Variants in MACROD1 observed in about 807,000 individuals in gnomAD.
The protein encoded by MACROD1 is mono-ADP ribosylhydrolase 1.
In MACROD1, 31 loss-of-function variants were observed where a neutral mutation model predicts 41.4. That is an observed-to-expected ratio of 0.75 (90% CI 0.56 to 1.01). The LOEUF (loss-of-function observed/expected upper bound fraction) is 1.01, where lower values mean the gene tolerates loss of function less well. Ranked by LOEUF, MACROD1 falls within the 50% of genes least tolerant of loss-of-function variation. The probability of loss-of-function intolerance (pLI) is 0.00; values close to 1 mark genes in which losing one functional copy is unlikely to be tolerated. For missense variants in MACROD1, 473 were observed against 460.0 expected (o/e 1.03, Z -0.26); for synonymous variants, 252 against 203.4 (o/e 1.24, Z -2.03).
intron 3 of MACROD1, among the ~76,000 whole-genome samples, chr11:64,042,467 C>T (rs377442368): frequency 3.3e-4 from 51 of 152,324 alleles, no homozygotes; most frequent in Middle Eastern, 3.4e-3. Flanking sequence ...CTAAGCCCTG[C>T]TCCAATAGAG....
intron 3 of MACROD1, among the ~76,000 whole-genome samples, chr11:64,068,360 C>T (rs1305371234): frequency 4.6e-5 from 7 of 152,256 alleles, no homozygotes; most frequent in Admixed American, 2.0e-4. Context: ...CCCTGGCAGG[C>T]TCAGGCCCAG....
intron 3 of MACROD1, among the ~76,000 whole-genome samples, chr11:64,123,745 C>T (rs1183097980): frequency 3.3e-5 from 5 of 152,154 alleles, no homozygotes; most frequent in Admixed American, 6.5e-5. Flanking sequence ...TTTTCTGCTT[C>T]CTTTCTGTTC....
intron 1 of MACROD1, among the ~76,000 whole-genome samples, chr11:64,163,715 C>T (rs1945791196): frequency 1.3e-5 from 2 of 152,344 alleles, no homozygotes; most frequent in East Asian, 3.9e-4. Context: ...GCTAGAACCA[C>T]CCAGCTAAGC....
At chr11:64,150,288 C>T (rs1945555496) in intron 3 of MACROD1, among the ~76,000 whole-genome samples, 3 of 152,228 alleles carry the variant, frequency 2.0e-5, no homozygotes, top group South Asian at 2.1e-4. Flanking sequence ...TGGGGGACAG[C>T]GCTGGGGCCA....
chr11:64,157,094 T>C (rs1015346048), intron 1 of MACROD1, among the ~76,000 whole-genome samples: 1 of 151,368 alleles, frequency 6.6e-6, no homozygotes, highest in Non-Finnish European at 1.5e-5. Flanking sequence ...ATTTCTGTGT[T>C]TTTTTTTTAT....
chr11:64,087,500 T>C (rs1331715585), intron 3 of MACROD1, among the ~76,000 whole-genome samples: 1 of 152,176 alleles, frequency 6.6e-6, no homozygotes, highest in African/African-American at 2.4e-5. Context: ...CTCTCCACAG[T>C]TGCCACCCCT....
chr11:64,165,003 G>T (rs1475406739), intron 1 of MACROD1, among the ~76,000 whole-genome samples: 1 of 152,242 alleles, frequency 6.6e-6, no homozygotes, highest in Non-Finnish European at 1.5e-5. Context: ...ACAGGGACAA[G>T]ACCCCACCTC....
chr11:64,049,565 G>A (rs1007676482), intron 3 of MACROD1, among the ~76,000 whole-genome samples: 6 of 152,228 alleles, frequency 3.9e-5, no homozygotes, highest in Non-Finnish European at 8.8e-5. Context: ...GAGCTCAGCT[G>A]GTTCTATTGG....
intron 3 of MACROD1, among the ~76,000 whole-genome samples, chr11:64,107,441 G>A (rs1204143014): frequency 1.3e-5 from 2 of 150,316 alleles, no homozygotes; most frequent in East Asian, 3.9e-4. Context: ...TTTTAAAAGC[G>A]ATTTACATTC....
At chr11:64,144,915 C>T (rs2134688708) in intron 3 of MACROD1, among the ~76,000 whole-genome samples, 1 of 152,352 alleles carries the variant, frequency 6.6e-6, no homozygotes, top group South Asian at 2.1e-4. Flanking sequence ...GCTTGGTAGT[C>T]CATCAAGGCG....
chr11:64,061,239 G>A (rs370733014), intron 3 of MACROD1, among the ~76,000 whole-genome samples: 1 of 152,244 alleles, frequency 6.6e-6, no homozygotes, highest in East Asian at 1.9e-4. Context: ...GGAGTAATCT[G>A]GCGATCACGC....
intron 3 of MACROD1, among the ~76,000 whole-genome samples, chr11:64,084,145 G>A (rs1462197680): frequency 6.6e-6 from 1 of 152,322 alleles, no homozygotes; most frequent in African/African-American, 2.4e-5. Context: ...CTGTACATGA[G>A]TGCATGGCAC....
chr11:64,089,533 C>T (rs1944453565), intron 3 of MACROD1, among the ~76,000 whole-genome samples: 2 of 152,340 alleles, frequency 1.3e-5, no homozygotes, highest in Non-Finnish European at 2.9e-5. Flanking sequence ...TCCTGTTATC[C>T]ATGCACTTTC....
intron 3 of MACROD1, among the ~76,000 whole-genome samples, chr11:64,130,469 C>A (rs539585856): frequency 9.2e-5 from 14 of 152,240 alleles, no homozygotes; most frequent in African/African-American, 3.1e-4. Context: ...CTGGCCTCAC[C>A]GAGCAACCTG....
At chr11:64,074,858 C>CA (rs1944174304) in intron 3 of MACROD1, among the ~76,000 whole-genome samples, 1 of 152,208 alleles carries the variant, frequency 6.6e-6, no homozygotes, top group Non-Finnish European at 1.5e-5. Flanking sequence ...GCTCTGACCT[C>CA]ACTCCAGGAT....
chr11:64,163,455 G>C (rs1770501154), intron 1 of MACROD1, among the ~76,000 whole-genome samples: 1 of 152,194 alleles, frequency 6.6e-6, no homozygotes, highest in South Asian at 2.1e-4. Context: ...CTTCGAAGAC[G>C]AGGTCACAAA....
At chr11:64,134,874 G>T (rs1230812518) in intron 3 of MACROD1, among the ~76,000 whole-genome samples, 1 of 152,204 alleles carries the variant, frequency 6.6e-6, no homozygotes, top group Non-Finnish European at 1.5e-5. Flanking sequence ...ATTAAGAGAG[G>T]AGTAGAGAAG....
chr11:64,030,777 C>T (rs1590814923), intron 3 of MACROD1, among the ~76,000 whole-genome samples: 1 of 151,792 alleles, frequency 6.6e-6, no homozygotes, highest in East Asian at 1.9e-4. Flanking sequence ...AGAAGCTGGG[C>T]ATGGTGGCGG....
Position 64,122,010 on chromosome 11 carries a change from G to C in MACROD1, c.517+29229C>G, listed in dbSNP as rs775788268. Among the ~76,000 whole-genome samples the C allele has an allele frequency of 1.6e-3, 244 of 151,934 alleles. 6 individuals are homozygous for C. Among genetic ancestry groups the C allele is most frequent in the Non-Finnish European group, 3.5e-4 (24 of 67,996 alleles). ...AAAGGAAAGAAAAGGCAAGGAAGGA[G>C]AGAGAGAAGGCACCAGCAGGCCGGG... On this transcript the variant is annotated intron_variant, in intron 3 of 10. Coordinates refer to ENST00000255681, the MANE Select transcript of MACROD1 (RefSeq NM_014067.4). The surrounding 1 kb of genome is among the most constrained non-coding windows in gnomAD (Gnocchi z 4.0).
Sources: gnomAD v4.1 joint callset for allele counts (sites outside exome capture counted in the v4.1 genomes callset) on GRCh38, gnomAD v4.1.1 for gene constraint, Gnocchi (gnomAD v3.1) non-coding constraint, MANE v1.5 for transcripts, NCBI Gene and HGNC (gene_info 2026-07-23, HGNC 2026-07-21) for gene names.